Variants in FAM110A observed in about 807,000 individuals in gnomAD.
The protein encoded by FAM110A is protein FAM110A.
FAM110A carries 1 observed loss-of-function variant against 4.0 expected under a neutral mutation model. That is an observed-to-expected ratio of 0.25 (90% confidence interval 0.09 to 1.20). FAM110A has a LOEUF of 1.20. FAM110A is among the 50% of genes most tolerant of loss of function. FAM110A has a pLI of 0.50. For missense variants in FAM110A, 436 were observed against 429.2 expected (o/e 1.02, Z -0.14); for synonymous variants, 217 against 196.8 (o/e 1.10, Z -0.86).
At chr20:835,239 CATAT>C (rs66779518) in intron 1 of FAM110A, among the ~76,000 whole-genome samples, 1 of 150,582 alleles carries the variant, frequency 6.6e-6, no homozygotes, top group Non-Finnish European at 1.5e-5. Flanking sequence ...TACACACACA[CATAT>C]ATGTATATAT....
intron 1 of FAM110A, among the ~76,000 whole-genome samples, chr20:837,045 GTTTT>G (rs71191980): frequency 2.4e-5 from 2 of 82,918 alleles, no homozygotes; most frequent in Non-Finnish European, 2.3e-5. Context: ...ACTCTGCATT[GTTTT>G]TTTTTTTTTT....
intron 1 of FAM110A, chr20:839,472 C>A: frequency 1.2e-6 from 1 of 840,278 alleles, no homozygotes; most frequent in Non-Finnish European, 2.1e-6. Flanking sequence ...ACCACGTCCA[C>A]GACCACATCT....
intron 1 of FAM110A, among the ~76,000 whole-genome samples, chr20:841,010 G>A (rs1190951865): frequency 6.6e-6 from 1 of 152,190 alleles, no homozygotes; most frequent in African/African-American, 2.4e-5. Context: ...TCTAAGGTGG[G>A]TGCGCTTGCC....
chr20:845,075 C>T lies in FAM110A; in HGVS notation c.271C>T (p.Arg91Ter). The change falls in exon 2 of 2, where the codon CGA (arginine) becomes TGA (stop). Residue 91 changes from arginine (R) to a stop codon, truncating the protein, a stop_gained. Coordinates refer to ENST00000381941, the MANE Select transcript of FAM110A (RefSeq NM_001042353.3). LOFTEE classifies it high-confidence loss of function. ...TRRTVLTPSR[R>*]ALPGPCRRPQ... is the part of the protein sequence containing the mutation. The stretch of plus-strand genomic sequence containing the variant: ...CCGCACAGTGCTCACGCCCAGCCGC[C>T]GAGCCCTGCCTGGCCCCTGCCGACG... The T allele has an allele frequency of 6.3e-7, 1 of 1,597,004 alleles. No individual in the cohort carries two copies. Among genetic ancestry groups the T allele is most frequent in the Non-Finnish European group, 8.5e-7 (1 of 1,173,154 alleles).
At chr20:835,826 C>A (rs1356231021) in intron 1 of FAM110A, among the ~76,000 whole-genome samples, 1 of 152,208 alleles carries the variant, frequency 6.6e-6, no homozygotes, top group Non-Finnish European at 1.5e-5. Context: ...CTGGGGCTGC[C>A]CTGCTGGCTG....
Position 834,281 on chromosome 20 carries a change from G to A in FAM110A, c.-98+330G>A, listed in dbSNP as rs995260334. On this transcript the variant is annotated intron_variant, in intron 1 of 1. Transcript: ENST00000381941. This position sits in a 1 kb window ranked among gnomAD's most constrained non-coding sequence, Gnocchi z 5.6. ...ATCACATATCCCCGCGCCCCACACT[G>A]TCCTCGGGATACCCCCTTTGGGCGT... Among the ~76,000 whole-genome samples, 2 of 152,214 alleles carry A rather than the reference G, an allele frequency of 1.3e-5. No individual in the cohort carries two copies. Among genetic ancestry groups the A allele is most frequent in the Admixed American group, 1.3e-4 (2 of 15,286 alleles).
In FAM110A at chr20:844,808, C is replaced by A; in HGVS notation, c.4C>A (p.Pro2Thr). Residue 2 changes from proline (P) to threonine (T), a missense_variant, in exon 2 of 2, where the codon CCT becomes ACT. By Grantham distance (38) the Pro-to-Thr change is conservative. Coordinates refer to ENST00000381941, the MANE Select transcript of FAM110A (RefSeq NM_001042353.3). Reference sequence around the variant, plus strand: ...GCCCTCGGGATATGCAGCAGCCATGCCTGTGCACACGCTGAGCCCCGGAGC... The same window carrying A: ...GCCCTCGGGATATGCAGCAGCCATGACTGTGCACACGCTGAGCCCCGGAGC... M[P>T]VHTLSPGAPS... 1 of 1,486,368 alleles carries A rather than the reference C, an allele frequency of 6.7e-7. No individual in the cohort carries two copies. The highest frequency in any genetic ancestry group is 8.9e-7 in the Non-Finnish European group (1 of 1,121,210). 92.1% of individuals were successfully genotyped at this position (1,486,368 alleles called of 1,614,324 possible).
Position 845,667 on chromosome 20 carries a change from G to A in FAM110A, c.863G>A (p.Arg288Gln), listed in dbSNP as rs764323987. ...TGGTTGTATGGGCTAAGGCAGGCTC[G>A]GGAGAGCCCAGCAGCTGAAGGCTAG... is the stretch of plus-strand genomic sequence containing the variant. ...IKWLYGLRQA[R>Q]ESPAAEG is the part of the protein sequence containing the mutation. The change falls in exon 2 of 2, where the codon CGG becomes CAG. Residue 288 changes from arginine to glutamine, a missense_variant. Physicochemically the swap from Arg to Gln is conservative, Grantham distance 43. Transcript: ENST00000381941. 2.5e-6 allele frequency: 4 copies of A among 1,613,986 alleles called. No homozygotes were observed. The highest frequency in any genetic ancestry group is 3.3e-4 in the Middle Eastern group (2 of 6,084).
At position 845,438 on chromosome 20, in the gene FAM110A, G is replaced by C; in HGVS notation, c.634G>C (p.Asp212His). The change falls in exon 2 of 2, where the codon GAC (aspartate) becomes CAC (histidine). Residue 212 changes from aspartate (D) to histidine (H), a missense_variant. Asp to His is a moderately conservative substitution (Grantham distance 81, BLOSUM62 -1). Transcript: ENST00000381941. ...GCGCTTTTTTAACTTCTGCGGCCTG[G>C]ACCCGGAGGAGGCGAGAGGGTTGGG... ...LERFFNFCGLDPEEARGLGVA... is the reference protein window; with the variant it reads ...LERFFNFCGLHPEEARGLGVA... 2 of 1,613,752 alleles carry C rather than the reference G, an allele frequency of 1.2e-6. No individual in the cohort carries two copies. Among genetic ancestry groups the C allele is most frequent in the South Asian group, 1.1e-5 (1 of 91,070 alleles).
intron 1 of FAM110A, among the ~76,000 whole-genome samples, chr20:835,067 C>T (rs554933865): frequency 2.6e-5 from 4 of 152,082 alleles, no homozygotes; most frequent in East Asian, 1.9e-4. Context: ...TGCCCAAAAC[C>T]TCAGTAATCA....
intron 1 of FAM110A, among the ~76,000 whole-genome samples, chr20:837,352 G>A (rs1979638569): frequency 6.6e-6 from 1 of 152,142 alleles, no homozygotes. Flanking sequence ...ACCCAGTCAT[G>A]ACTCTGCATT....
chr20:841,673 G>GC (rs890689637), intron 1 of FAM110A, among the ~76,000 whole-genome samples: 7 of 152,166 alleles, frequency 4.6e-5, no homozygotes, highest in Non-Finnish European at 1.0e-4. Flanking sequence ...GGGGATGCGC[G>GC]CCCCCGGGAT....
intron 1 of FAM110A, among the ~76,000 whole-genome samples, chr20:835,039 C>G (rs1227113194): frequency 6.6e-6 from 1 of 152,018 alleles, no homozygotes; most frequent in African/African-American, 2.4e-5. Context: ...GCAATTGAGC[C>G]AGTGCAAAAT....
chr20:844,839 C>G lies in FAM110A; in HGVS notation c.35C>G (p.Ser12Cys). ...PVHTLSPGAPSAPALPCRLRT... is the reference protein window; with the variant it reads ...PVHTLSPGAPCAPALPCRLRT... ...CACACGCTGAGCCCCGGAGCCCCGT[C>G]CGCCCCCGCCCTACCTTGCCGCCTG... The change falls in exon 2 of 2, where the codon TCC becomes TGC. Residue 12 changes from serine to cysteine, a missense_variant. Physicochemically the swap from Ser to Cys is moderately radical, Grantham distance 112 (BLOSUM62 -1). Transcript: ENST00000381941. 1 of 1,518,928 alleles carries G rather than the reference C, an allele frequency of 6.6e-7. No individual in the cohort carries two copies. Among genetic ancestry groups the G allele is most frequent in the Non-Finnish European group, 8.8e-7 (1 of 1,133,656 alleles). The allele number at this position is 1,518,928 out of a possible 1,614,324, so 94.1% of individuals were successfully genotyped here. A position where few individuals can be genotyped will look rare whatever the true frequency, so the allele number is the denominator to read the frequency against.
intron 1 of FAM110A, among the ~76,000 whole-genome samples, chr20:837,252 C>T (rs1600003912): frequency 6.6e-6 from 1 of 152,118 alleles, no homozygotes; most frequent in Middle Eastern, 3.4e-3. Flanking sequence ...GGGGTTTCAT[C>T]ATCTTGGCCA....
intron 1 of FAM110A, among the ~76,000 whole-genome samples, chr20:839,225 G>A (rs1979737802): frequency 6.6e-6 from 1 of 152,116 alleles, no homozygotes; most frequent in Non-Finnish European, 1.5e-5. Context: ...TTAATCAGCT[G>A]TGTAATTTTG....
chr20:841,918 G>A (rs1289440436), intron 1 of FAM110A, among the ~76,000 whole-genome samples: 1 of 152,228 alleles, frequency 6.6e-6, no homozygotes, highest in African/African-American at 2.4e-5. Flanking sequence ...TGTCCGCGGT[G>A]TGGGCTGGGA....
chr20:838,954 A>G (rs1415324292), intron 1 of FAM110A, among the ~76,000 whole-genome samples: 3 of 151,988 alleles, frequency 2.0e-5, no homozygotes, highest in African/African-American at 4.8e-5. Flanking sequence ...CACAGCAGTA[A>G]TGAGACTTTA....
chr20:841,231 C>G (rs532215374), intron 1 of FAM110A: 12 of 152,368 alleles, frequency 7.9e-5, no homozygotes, highest in African/African-American at 2.9e-4. Context: ...TGCCCGCGGC[C>G]GCCGGAAGTT....
Sources: allele counts gnomAD v4.1 joint callset (sites outside exome capture counted in the v4.1 genomes callset), GRCh38; gene constraint gnomAD v4.1.1; non-coding constraint Gnocchi (gnomAD v3.1); transcripts MANE v1.5; gene names NCBI Gene and HGNC (gene_info 2026-07-23, HGNC 2026-07-21).